CMPK1: variants seen among roughly 807,000 people sequenced by gnomAD.
CMPK1 encodes the protein UMP-CMP kinase.
Under a neutral mutation model 25.7 loss-of-function variants are expected in CMPK1, and 10 were observed. The observed-to-expected ratio is 0.39, with a 90% CI of 0.24 to 0.66. CMPK1 has a LOEUF of 0.66. Ranked by LOEUF, CMPK1 falls within the 30% of genes least tolerant of loss-of-function variation. The probability of loss-of-function intolerance (pLI) is 0.48; values close to 1 mark genes in which losing one functional copy is unlikely to be tolerated. For synonymous variants in CMPK1, 106 were observed against 101.5 expected, an observed-to-expected ratio of 1.04 and a Z score of -0.27; for missense variants, 199 against 280.5, an observed-to-expected ratio of 0.71 and a Z score of 2.08.
chr1:47,348,317 C>T (rs1354403863), intron 1 of CMPK1, among the ~76,000 whole-genome samples: 2 of 152,148 alleles, frequency 1.3e-5, no homozygotes, highest in Admixed American at 1.3e-4. Flanking sequence ...AAAGCTAATA[C>T]TTTTAGCCCA....
intron 1 of CMPK1, among the ~76,000 whole-genome samples, chr1:47,346,938 C>T (rs1465405719): frequency 6.6e-6 from 1 of 151,880 alleles, no homozygotes; most frequent in Non-Finnish European, 1.5e-5. Context: ...CGCCCGCCAC[C>T]ATACCCGGCT....
intron 1 of CMPK1, among the ~76,000 whole-genome samples, chr1:47,365,811 G>A (rs2149332822): frequency 6.6e-6 from 1 of 152,160 alleles, no homozygotes; most frequent in East Asian, 1.9e-4. Flanking sequence ...TTATTGAATT[G>A]TTTTTCAACT....
At chr1:47,372,645 ATATACT>A (rs1402528139) in intron 2 of CMPK1, among the ~76,000 whole-genome samples, 1 of 152,296 alleles carries the variant, frequency 6.6e-6, no homozygotes, top group South Asian at 2.1e-4. Context: ...TGAAAGTAAC[ATATACT>A]TAACTGTAGA....
intron 1 of CMPK1, among the ~76,000 whole-genome samples, chr1:47,366,694 T>G (rs1244837725): frequency 6.6e-6 from 1 of 151,646 alleles, no homozygotes; most frequent in African/African-American, 2.4e-5. Flanking sequence ...CAGGTAAGGT[T>G]GTTTTTTCTT....
intron 1 of CMPK1, among the ~76,000 whole-genome samples, chr1:47,354,894 T>G (rs1236602419): frequency 1.3e-5 from 2 of 152,278 alleles, no homozygotes; most frequent in Admixed American, 1.3e-4. Context: ...CTTAAATAAT[T>G]TGCCCAAGAC....
chr1:47,367,323 C>T (rs1646646071), intron 1 of CMPK1, among the ~76,000 whole-genome samples: 1 of 152,156 alleles, frequency 6.6e-6, no homozygotes, highest in African/African-American at 2.4e-5. Context: ...TTACCGTTAA[C>T]TTATTATTTA....
At chr1:47,375,378 T>C (rs1570385422) in intron 5 of CMPK1, 85 bp downstream of exon 5, 1 of 876,748 alleles carries the variant, frequency 1.1e-6, no homozygotes, top group East Asian at 2.5e-5. Context: ...AAAAAAGAAA[T>C]ACTATCACAG....
chr1:47,338,430 G>A (rs1646415260), intron 1 of CMPK1, among the ~76,000 whole-genome samples: 1 of 152,080 alleles, frequency 6.6e-6, no homozygotes, highest in Non-Finnish European at 1.5e-5. Context: ...GGAAAGATTG[G>A]AGGGAGGTTT....
chr1:47,362,169 CT>C (rs10639560), intron 1 of CMPK1, among the ~76,000 whole-genome samples: 9 of 121,292 alleles, frequency 7.4e-5, no homozygotes, highest in African/African-American at 1.3e-4. Context: ...AGCACCCGGC[CT>C]TTTTTTTTTT....
chr1:47,368,953 T>C (rs891254139), intron 2 of CMPK1, among the ~76,000 whole-genome samples: 3 of 152,022 alleles, frequency 2.0e-5, no homozygotes, highest in African/African-American at 4.8e-5. Context: ...TAAACAACAA[T>C]AATAATAAAA....
intron 1 of CMPK1, among the ~76,000 whole-genome samples, chr1:47,365,061 G>T (rs561031015): frequency 6.6e-6 from 1 of 152,036 alleles, no homozygotes; most frequent in Non-Finnish European, 1.5e-5. Flanking sequence ...GTACCTGGCC[G>T]TACCCAATAG....
chr1:47,368,809 T>A (rs1252247423), intron 2 of CMPK1, among the ~76,000 whole-genome samples, 194 bp downstream of exon 2: 2 of 151,980 alleles, frequency 1.3e-5, no homozygotes, highest in East Asian at 1.9e-4. Context: ...AAAAATTTTT[T>A]AAAAAGCCAT....
At chr1:47,365,399 T>C (rs562497094) in intron 1 of CMPK1, among the ~76,000 whole-genome samples, 15 of 151,738 alleles carry the variant, frequency 9.9e-5, no homozygotes, top group African/African-American at 3.6e-4. Context: ...TTTGAGAAGC[T>C]GAGGCAGGTG....
intron 2 of CMPK1, among the ~76,000 whole-genome samples, chr1:47,372,282 G>A (rs1042655438): frequency 2.0e-5 from 3 of 152,046 alleles, no homozygotes; most frequent in Admixed American, 6.6e-5. Context: ...TAGTAGAGAC[G>A]GGGTTTCACC....
At chr1:47,340,759 T>G (rs1198118136) in intron 1 of CMPK1, among the ~76,000 whole-genome samples, 1 of 152,146 alleles carries the variant, frequency 6.6e-6, no homozygotes, top group African/African-American at 2.4e-5. Context: ...TGCCTCAGCC[T>G]CCTGAGTAGT....
Position 47,373,018 on chromosome 1 carries a change from A to G in CMPK1, c.382A>G (p.Arg128Gly). ...KNKFLIDGFP[R>G]NQDNLQGWNK... ...TAAATTCTTGATTGATGGGTTTCCA[A>G]GAAATCAAGACAACCTTCAAGGATG... The change falls in exon 3 of 6, where the codon AGA becomes GGA. Residue 128 changes from arginine to glycine, a missense_variant. Coordinates refer to ENST00000371873, the MANE Select transcript of CMPK1 (RefSeq NM_016308.3). 6.2e-7 allele frequency: 1 copy of G among 1,613,720 alleles called. No individual in the cohort carries two copies. Among genetic ancestry groups the G allele is most frequent in the Non-Finnish European group, 8.5e-7 (1 of 1,179,808 alleles).
chr1:47,356,371 A>G (rs905484880), intron 1 of CMPK1, among the ~76,000 whole-genome samples: 1 of 152,018 alleles, frequency 6.6e-6, no homozygotes. Context: ...CTATTTGTCT[A>G]TTTTTATACC....
At chr1:47,350,433 G>A (rs1646514841) in intron 1 of CMPK1, among the ~76,000 whole-genome samples, 1 of 151,998 alleles carries the variant, frequency 6.6e-6, no homozygotes, top group African/African-American at 2.4e-5. Flanking sequence ...TGTTGTTTTG[G>A]TAGAGGTGGG....
intron 1 of CMPK1, among the ~76,000 whole-genome samples, chr1:47,337,640 G>A (rs1243674754): frequency 6.8e-6 from 1 of 147,208 alleles, no homozygotes; most frequent in African/African-American, 2.5e-5. Flanking sequence ...TTGAGACGAA[G>A]TGTCACGCTG....
Sources: allele counts gnomAD v4.1 joint callset (sites outside exome capture counted in the v4.1 genomes callset), GRCh38; gene constraint gnomAD v4.1.1; transcripts MANE v1.5; gene names NCBI Gene and HGNC (gene_info 2026-07-23, HGNC 2026-07-21).